Variants in NCAPH observed in about 807,000 individuals in gnomAD.
The protein encoded by NCAPH is non-SMC condensin I complex subunit H.
In NCAPH, 38 loss-of-function variants were observed where a neutral mutation model predicts 85.5. The ratio of observed to expected loss-of-function variants is 0.44; its 90% CI spans 0.34 to 0.58. The LOEUF (loss-of-function observed/expected upper bound fraction) is 0.58. Ranked by LOEUF, NCAPH falls within the 20% of genes least tolerant of loss-of-function variation. The probability of loss-of-function intolerance (pLI) is 0.01; values close to 1 mark genes in which losing one functional copy is unlikely to be tolerated. For synonymous variants in NCAPH, 301 were observed against 335.1 expected, an observed-to-expected ratio of 0.90 and a Z score of 1.11; for missense variants, 789 against 916.6, an observed-to-expected ratio of 0.86 and a Z score of 1.80.
At chr2:96,357,290 G>A (rs1479543606) in intron 9 of NCAPH, among the ~76,000 whole-genome samples, 1 of 152,176 alleles carries the variant, frequency 6.6e-6, no homozygotes, top group African/African-American at 2.4e-5. Flanking sequence ...GAAATACAGA[G>A]TTTTCCTGGA....
chr2:96,361,825 TATA>T (rs201299565), intron 12 of NCAPH, among the ~76,000 whole-genome samples: 88 of 122,596 alleles, frequency 7.2e-4, no homozygotes, highest in African/African-American at 2.6e-3. Flanking sequence ...TATATATATA[TATA>T]TTTTTTTTTT....
intron 13 of NCAPH, 132 bp from the exon 14 acceptor site, chr2:96,365,744 C>T: frequency 1.1e-6 from 1 of 881,572 alleles, no homozygotes; most frequent in Non-Finnish European, 1.8e-6. Context: ...CCTAGAAGTT[C>T]ATCGTAGTGT....
chr2:96,341,621 T>C, intron 1 of NCAPH, 21 bp from the exon 2 acceptor site: 3 of 1,604,016 alleles, frequency 1.9e-6, no homozygotes, highest in Non-Finnish European at 2.6e-6. Flanking sequence ...GAAGGTTTCT[T>C]GAGCAAGAAT....
At position 96,366,022 on chromosome 2, in the gene NCAPH, A is replaced by T. The variant is rs199618036; in HGVS notation, c.1845A>T (p.Thr615=). 7 of 1,614,218 alleles carry T rather than the reference A, an allele frequency of 4.3e-6. No homozygotes were observed. The East Asian group carries it at 1.6e-4, about 36-fold the overall frequency. The change falls in exon 14 of 18, where the codon ACA becomes ACT. Residue 615 remains threonine (T), a synonymous_variant. Coordinates refer to ENST00000240423, the MANE Select transcript of NCAPH (RefSeq NM_015341.5). Reference sequence around the variant, plus strand: ...AAGCCCAAGGATTAGACATCACAACATATGGGGAGTCAAACTTGGTAGCTG... The same window carrying T: ...AAGCCCAAGGATTAGACATCACAACTTATGGGGAGTCAAACTTGGTAGCTG... ...TPEAQGLDIT[T]YGESNLVAEP...
In NCAPH at chr2:96,339,547, C is replaced by T. The variant is rs1370621728; in HGVS notation, c.20-2095C>T. Among the ~76,000 whole-genome samples the T allele has an allele frequency of 6.0e-5, 9 of 150,308 alleles. No individual in the cohort carries two copies. In the East Asian group the frequency reaches 1.6e-3, roughly 26 times the overall value. On this transcript the variant is annotated intron_variant, in intron 1 of 17. Coordinates refer to ENST00000240423, the MANE Select transcript of NCAPH (RefSeq NM_015341.5). The stretch of plus-strand genomic sequence containing the variant: ...GCGGAGTTGCAATGAGCTGAGATCC[C>T]GTCACTGCACTCCAGCCTGGGGGAC...
chr2:96,372,243 A>G (rs1218724052), intron 17 of NCAPH, among the ~76,000 whole-genome samples: 1 of 151,912 alleles, frequency 6.6e-6, no homozygotes, highest in Non-Finnish European at 1.5e-5. Context: ...GCCTGTGCAG[A>G]GACTGGCAGG....
intron 17 of NCAPH, among the ~76,000 whole-genome samples, chr2:96,371,212 C>G (rs2064768695): frequency 6.6e-6 from 1 of 152,170 alleles, no homozygotes; most frequent in Non-Finnish European, 1.5e-5. Context: ...GGCCTGGAAT[C>G]TCATTCGCAC....
intron 12 of NCAPH, among the ~76,000 whole-genome samples, chr2:96,363,129 G>T (rs193056097): frequency 1.1e-4 from 16 of 152,312 alleles, no homozygotes; most frequent in Non-Finnish European, 1.8e-4. Flanking sequence ...ATTGAGGCAA[G>T]ACCCTTTAAC....
intron 17 of NCAPH, among the ~76,000 whole-genome samples, chr2:96,370,601 G>T (rs925764502): frequency 6.6e-6 from 1 of 152,190 alleles, no homozygotes; most frequent in African/African-American, 2.4e-5. Context: ...GGAAGTCAGA[G>T]ACCAATTTTT....
chr2:96,370,725 C>T (rs762736223), intron 17 of NCAPH, among the ~76,000 whole-genome samples: 21 of 152,216 alleles, frequency 1.4e-4, no homozygotes, highest in Non-Finnish European at 2.6e-4. Flanking sequence ...GCCACTGGGC[C>T]AGGACCAAGT....
rs112347907 is a variant in NCAPH at position 96,369,078 on chromosome 2, G to T, written c.2090+15G>T. 33 of 1,552,424 alleles carry T rather than the reference G, an allele frequency of 2.1e-5. No individual in the cohort carries two copies. The highest frequency in any genetic ancestry group is 1.8e-4 in the African/African-American group (13 of 73,268). On this transcript the variant is annotated intron_variant, in intron 16 of 17. Coordinates refer to ENST00000240423, the MANE Select transcript of NCAPH (RefSeq NM_015341.5). The stretch of plus-strand genomic sequence containing the variant: ...CTGCAGAGGAGGTGCGGGCTGGCAG[G>T]CATGGGGGCTTTGTTGGGGCTCACC...
Position 96,354,068 on chromosome 2 carries a change from CAG to C in NCAPH, c.1003-114_1003-113del, listed in dbSNP as rs2064486686. On this transcript the variant is annotated intron_variant, in intron 8 of 17. Coordinates refer to ENST00000240423, the MANE Select transcript of NCAPH (RefSeq NM_015341.5). ...GGGGATGGGAAAGGGAAGGGTGGCT[CAG>C]GGGAAGGAGGAGGCTGGAAACTGAA... 4.9e-6 allele frequency: 5 copies of C among 1,012,810 alleles called. No individual in the cohort carries two copies. The Admixed American group carries it at 1.0e-4, about 21-fold the overall frequency. 62.7% of individuals were successfully genotyped at this position (1,012,810 alleles called of 1,614,324 possible).
chr2:96,361,597 T>C (rs890992413), intron 12 of NCAPH, among the ~76,000 whole-genome samples: 1 of 151,818 alleles, frequency 6.6e-6, no homozygotes, highest in African/African-American at 2.4e-5. Flanking sequence ...TCTTCTCACA[T>C]GTCCCTGCTG....
intron 17 of NCAPH, among the ~76,000 whole-genome samples, chr2:96,370,855 C>T (rs1282358104): frequency 1.3e-5 from 2 of 152,266 alleles, no homozygotes; most frequent in East Asian, 3.9e-4. Context: ...GATTGTGCAT[C>T]AGAGCCCTTG....
rs1233502636 is a variant in NCAPH at position 96,343,173 on chromosome 2, C to T, written c.464C>T (p.Ala155Val). 4 of 1,613,780 alleles carry T rather than the reference C, an allele frequency of 2.5e-6. No homozygotes were observed. The highest frequency in any genetic ancestry group is 2.7e-5 in the African/African-American group (2 of 74,866). Residue 155 changes from alanine to valine, a missense_variant, in exon 5 of 18, where the codon GCG (alanine) becomes GTG (valine). Transcript: ENST00000240423. ...DTEPTNFKVA[A>V]GTLDASTKIY... ...CTCTGATTGTTTGACTAGGTGGCTG[C>T]GGGTACTCTGGATGCCAGCACCAAG...
chr2:96,341,402 C>A, intron 1 of NCAPH: 1 of 509,954 alleles, frequency 2.0e-6, no homozygotes, highest in Non-Finnish European at 3.4e-6. Context: ...TACTTAAATT[C>A]ACATAGCTGC....
intron 5 of NCAPH, 49 bp downstream of exon 5, chr2:96,343,353 A>G: frequency 6.4e-7 from 1 of 1,558,068 alleles, no homozygotes; most frequent in Non-Finnish European, 8.7e-7. Context: ...AGGGCATACC[A>G]GGTAGTTACT....
intron 6 of NCAPH, among the ~76,000 whole-genome samples, chr2:96,348,715 G>A (rs749473728): frequency 2.0e-5 from 3 of 151,884 alleles, no homozygotes; most frequent in Non-Finnish European, 4.4e-5. Flanking sequence ...GAGTGCAGTG[G>A]CACGATGTTG....
At chr2:96,366,952 A>T (rs1051509406) in intron 14 of NCAPH, among the ~76,000 whole-genome samples, 1 of 151,658 alleles carries the variant, frequency 6.6e-6, no homozygotes, top group Admixed American at 6.6e-5. Context: ...TACTAAAAAT[A>T]CAAAAATTAG....
Sources: allele counts gnomAD v4.1 joint callset (sites outside exome capture counted in the v4.1 genomes callset), GRCh38; gene constraint gnomAD v4.1.1; transcripts MANE v1.5; gene names NCBI Gene and HGNC (gene_info 2026-07-23, HGNC 2026-07-21).